LYG2: variants seen among roughly 807,000 people sequenced by gnomAD.
LYG2 encodes the protein lysozyme g-like protein 2.
LYG2 carries 25 observed loss-of-function variants against 22.4 expected under a neutral mutation model. The ratio of observed to expected loss-of-function variants is 1.12; its 90% CI spans 0.81 to 1.56. The LOEUF is 1.56. LYG2 is among the 40% of genes most tolerant of loss of function. The probability of loss-of-function intolerance (pLI) is 0.00; values close to 1 mark genes in which losing one functional copy is unlikely to be tolerated. For synonymous variants in LYG2, 88 were observed against 97.0 expected (o/e 0.91, Z 0.55); for missense variants, 266 against 269.5 (o/e 0.99, Z 0.09).
At chr2:99,242,906 G>A (rs1005385786) in intron 6 of LYG2, among the ~76,000 whole-genome samples, 1 of 152,164 alleles carries the variant, frequency 6.6e-6, no homozygotes, top group Non-Finnish European at 1.5e-5. Context: ...TGACTGCAAG[G>A]TACCCAAGAC....
chr2:99,243,132 T>C (rs927627711), intron 6 of LYG2, among the ~76,000 whole-genome samples: 2 of 152,094 alleles, frequency 1.3e-5, no homozygotes, highest in Non-Finnish European at 2.9e-5. Flanking sequence ...GGACATAACA[T>C]TGGCCAATAG....
At chr2:99,245,969 T>G (rs1022131602) in intron 4 of LYG2, among the ~76,000 whole-genome samples, 1 of 152,060 alleles carries the variant, frequency 6.6e-6, no homozygotes, top group Admixed American at 6.6e-5. Context: ...TTAGCTGGAC[T>G]TGGTGGCAGG....
At position 99,242,425 on chromosome 2, in the gene LYG2, T is replaced by G; in HGVS notation, c.578A>C (p.Asp193Ala). ...AATGATATCATTGACGAAGTCATTG[T>G]CTATGTCCGATGGGGTGGCAATCGC... ...IEAIATPSDI[D>A]NDFVNDIIAR... The change falls in exon 7 of 7, where the codon GAC (aspartate) becomes GCC (alanine). Residue 193 changes from aspartate to alanine, a missense_variant. Asp to Ala is a moderately radical substitution (Grantham distance 126). Coordinates refer to ENST00000333017, the MANE Select transcript of LYG2 (RefSeq NM_175735.4). 6.2e-7 allele frequency: 1 copy of G among 1,613,824 alleles called. No individual in the cohort carries two copies. The highest frequency in any genetic ancestry group is 1.1e-5 in the South Asian group (1 of 91,002).
chr2:99,247,392 A>G (rs1469096244), intron 3 of LYG2, among the ~76,000 whole-genome samples: 2 of 151,616 alleles, frequency 1.3e-5, no homozygotes, highest in African/African-American at 2.4e-5. Flanking sequence ...ACCATGCTCT[A>G]TGTCAGAATT....
chr2:99,249,727 C>G (rs2094022853), intron 3 of LYG2, among the ~76,000 whole-genome samples: 1 of 141,286 alleles, frequency 7.1e-6, no homozygotes, highest in African/African-American at 2.6e-5. Context: ...CGCCATTGCA[C>G]TCCAGCCTGG....
chr2:99,260,573 A>C (rs1321137053), upstream of LYG2, among the ~76,000 whole-genome samples: 3 of 152,204 alleles, frequency 2.0e-5, no homozygotes, highest in African/African-American at 7.2e-5. Context: ...CCTGTGATGG[A>C]GAGAAGAGCT....
chr2:99,250,373 C>CTT lies in LYG2; in HGVS notation c.44-3555_44-3554dup, dbSNP rs531807991. ...ATCATTATAACAGCATTTTCCAACT[C>CTT]TTTTTTTTTTTTTTTTTTTGAGACA... On this transcript the variant is annotated intron_variant, in intron 3 of 6. Coordinates refer to ENST00000333017, the MANE Select transcript of LYG2 (RefSeq NM_175735.4). Among the ~76,000 whole-genome samples, 475 of 130,350 alleles carry CTT rather than the reference C, an allele frequency of 3.6e-3. 6 individuals carry two copies. The highest frequency in any genetic ancestry group is 8.7e-3 in the Admixed American group (105 of 12,040). The allele number at this position is 130,350 out of a possible 152,430, so 85.5% of individuals were successfully genotyped here. A position where few individuals can be genotyped will look rare whatever the true frequency, so the allele number is the denominator to read the frequency against.
chr2:99,251,490 C>T (rs1479614415), intron 3 of LYG2, among the ~76,000 whole-genome samples: 1 of 152,116 alleles, frequency 6.6e-6, no homozygotes, highest in Non-Finnish European at 1.5e-5. Flanking sequence ...GTCATTAGAA[C>T]TAGGATTTTT....
intron 3 of LYG2, among the ~76,000 whole-genome samples, chr2:99,248,465 A>G (rs13020322): frequency 0.21 from 31,448 of 151,834 alleles, 4,073 homozygotes; most frequent in East Asian, 0.37. Context: ...CATCATTCTC[A>G]GTAAACTATC....
chr2:99,257,780 T>G (rs1039012568), upstream of LYG2, among the ~76,000 whole-genome samples: 1 of 152,144 alleles, frequency 6.6e-6, no homozygotes, highest in South Asian at 2.1e-4. Flanking sequence ...CTGGCTTCAG[T>G]GGTGGAGACT....
At chr2:99,243,956 C>T (rs1372310198) in intron 6 of LYG2, 43 bp downstream of exon 6, 1 of 1,612,364 alleles carries the variant, frequency 6.2e-7, no homozygotes, top group South Asian at 1.1e-5. Context: ...TCAGTGGTCT[C>T]ATTCATTGCT....
rs760841143 is a variant in LYG2, at chr2:99,246,694, C to G, written c.170G>C (p.Ser57Thr). The stretch of plus-strand genomic sequence containing the variant: ...TTTTCACTTACCGCAGTTCATCACA[C>G]TGTTTGCATCACAAGTGGCCCCAGA... ...KTSGATCDAN[S>T]VMNCGIRGSE... The change falls in exon 4 of 7, where the codon AGT (serine) becomes ACT (threonine). Residue 57 changes from serine to threonine, a missense_variant. Coordinates refer to ENST00000333017, the MANE Select transcript of LYG2 (RefSeq NM_175735.4). The G allele has an allele frequency of 6.2e-7, 1 of 1,613,872 alleles. No individual in the cohort carries two copies. The highest frequency in any genetic ancestry group is 1.1e-5 in the South Asian group (1 of 90,982).
At chr2:99,260,840 T>C in the LYG2 span, among the ~76,000 whole-genome samples, 1 of 152,082 alleles carries the variant, frequency 6.6e-6, no homozygotes, top group Non-Finnish European at 1.5e-5. Context: ...TGCAGTTCAG[T>C]GTATAGAGTT....
intron 6 of LYG2, chr2:99,243,507 T>C (rs2094010062): frequency 1.3e-6 from 2 of 1,488,990 alleles, no homozygotes; most frequent in Non-Finnish European, 1.8e-6. Context: ...GATAGATAGA[T>C]AGATAGATAG....
chr2:99,245,144 G>A (rs2094013500), intron 5 of LYG2, 118 bp downstream of exon 5: 15 of 1,123,462 alleles, frequency 1.3e-5, no homozygotes, highest in Non-Finnish European at 1.8e-5. Flanking sequence ...TGGAGTACCT[G>A]TAGCCAGATG....
At chr2:99,252,639 G>A (rs1036273727) in intron 3 of LYG2, among the ~76,000 whole-genome samples, 15 of 152,216 alleles carry the variant, frequency 9.9e-5, no homozygotes, top group African/African-American at 3.6e-4. Context: ...TCTGGATCAA[G>A]TGTCCTTATA....
chr2:99,243,497 G>C (rs1174101028), intron 6 of LYG2: 1 of 1,381,158 alleles, frequency 7.2e-7, no homozygotes, highest in South Asian at 1.4e-5. Context: ...CAAACAGATA[G>C]ATAGATAGAT....
rs2094010448 is a variant in LYG2 at position 99,243,605 on chromosome 2, T to TG, written c.520+393dup. 1.1e-5 allele frequency: 12 copies of TG among 1,050,940 alleles called. No individual in the cohort carries two copies. In the South Asian group the frequency reaches 2.0e-4, roughly 18 times the overall value. 65.1% of individuals were successfully genotyped at this position (1,050,940 alleles called of 1,614,324 possible). A position where few individuals can be genotyped will look rare whatever the true frequency, so the allele number is the denominator to read the frequency against. On this transcript the variant is annotated intron_variant, in intron 6 of 6. Transcript: ENST00000333017. ...GGCTGGAGTGCAGTGATGTAATCAA[T>TG]GCTCACTGCAGCCTTAACCTCCCAG...
At chr2:99,253,563 T>C (rs1394143413) in intron 3 of LYG2, among the ~76,000 whole-genome samples, 1 of 152,162 alleles carries the variant, frequency 6.6e-6, no homozygotes, top group African/African-American at 2.4e-5. Context: ...CACATTCTCT[T>C]ATTCAAGATC....
Sources: gnomAD v4.1 joint callset for allele counts (sites outside exome capture counted in the v4.1 genomes callset) on GRCh38, gnomAD v4.1.1 for gene constraint, MANE v1.5 for transcripts, NCBI Gene and HGNC (gene_info 2026-07-23, HGNC 2026-07-21) for gene names.